The following COL25A1 variants were observed in gnomAD, a reference collection of about 807,000 sequenced individuals.
COL25A1 encodes collagen type XXV alpha 1 chain, also known as collagen alpha-1(XXV) chain.
Under a neutral mutation model 128.4 loss-of-function variants are expected in COL25A1, and 103 were observed. That is an observed-to-expected ratio of 0.80 (90% CI 0.68 to 0.94). The LOEUF is 0.94. COL25A1 is among the 40% of genes least tolerant of loss of function. The probability of loss-of-function intolerance (pLI) is 0.00; values close to 1 mark genes in which losing one functional copy is unlikely to be tolerated. For missense variants in COL25A1, 745 were observed against 840.0 expected (o/e 0.89, Z 1.40); for synonymous variants, 279 against 277.2 (o/e 1.01, Z -0.06).
chr4:109,174,807 G>T (rs1338714912), intron 3 of COL25A1, among the ~76,000 whole-genome samples: 1 of 152,178 alleles, frequency 6.6e-6, no homozygotes, highest in African/African-American at 2.4e-5. Flanking sequence ...TAGACTAGGG[G>T]TCCTCAAAGC....
chr4:109,208,211 AC>A (rs932067267), intron 3 of COL25A1, among the ~76,000 whole-genome samples: 3 of 152,200 alleles, frequency 2.0e-5, no homozygotes, highest in African/African-American at 7.2e-5. Flanking sequence ...TCTGGGCAAA[AC>A]TACTTTGACT....
chr4:108,993,652 G>A lies in COL25A1; in HGVS notation c.438+16706C>T, dbSNP rs185902750. Among the ~76,000 whole-genome samples the A allele has an allele frequency of 9.2e-5, 14 of 152,202 alleles. No homozygotes were observed. The East Asian group carries it at 2.5e-3, about 27-fold the overall frequency. On this transcript the variant is annotated intron_variant, in intron 6 of 37. Coordinates refer to ENST00000399132, the MANE Select transcript of COL25A1 (RefSeq NM_198721.4). The stretch of plus-strand genomic sequence containing the variant: ...AGGAGGGTGGATCACCTGAGGTCAG[G>A]AGTTTGAGACTAGCCTGGCCAACAT...
At chr4:108,964,877 A>C (rs1751119001) in intron 8 of COL25A1, among the ~76,000 whole-genome samples, 1 of 152,148 alleles carries the variant, frequency 6.6e-6, no homozygotes, top group African/African-American at 2.4e-5. Flanking sequence ...TGAATCTGGA[A>C]AGTGTTAAAA....
intron 3 of COL25A1, among the ~76,000 whole-genome samples, chr4:109,085,993 G>A (rs1006158918): frequency 9.9e-5 from 15 of 152,166 alleles, no homozygotes; most frequent in African/African-American, 3.4e-4. Flanking sequence ...GGCTACTAAG[G>A]AAGCCCCAGG....
At chr4:109,295,162 AAAGAG>A (rs1194705775) in intron 3 of COL25A1, among the ~76,000 whole-genome samples, 2 of 152,114 alleles carry the variant, frequency 1.3e-5, no homozygotes, top group African/African-American at 4.8e-5. Context: ...TTAAGGTAAG[AAAGAG>A]AAAAGAGTAG....
At chr4:109,064,930 G>A (rs528094702) in intron 3 of COL25A1, among the ~76,000 whole-genome samples, 1 of 152,294 alleles carries the variant, frequency 6.6e-6, no homozygotes, top group African/African-American at 2.4e-5. Context: ...ATCACAGGAA[G>A]CACCTCCTTG....
chr4:108,999,335 C>T (rs1445798267), intron 6 of COL25A1, among the ~76,000 whole-genome samples: 1 of 152,178 alleles, frequency 6.6e-6, no homozygotes, highest in Non-Finnish European at 1.5e-5. Context: ...CAAAAGAAGA[C>T]ATTTATGCAG....
intron 36 of COL25A1, among the ~76,000 whole-genome samples, chr4:108,817,994 A>G (rs1006051248): frequency 1.3e-5 from 2 of 152,180 alleles, no homozygotes. Context: ...CTATATTTTT[A>G]TGATAAAATA....
chr4:108,810,403 CA>C lies in COL25A1; in HGVS notation c.*3523del, dbSNP rs1322851245. 2 of 151,484 alleles carry C rather than the reference CA, an allele frequency of 1.3e-5. No individual in the cohort carries two copies. Among genetic ancestry groups the C allele is most frequent in the Non-Finnish European group, 3.0e-5 (2 of 67,728 alleles). 9.4% of individuals were successfully genotyped at this position (151,484 alleles called of 1,614,324 possible). On this transcript the variant is annotated 3_prime_UTR_variant, in exon 38 of 38. Transcript: ENST00000399132. ...CTGTCCCATCAGAACATCGTATGCA[CA>C]GAATGTAAATTCAAAAACAAGACCT...
In COL25A1 at chr4:108,942,250, T is replaced by G. The variant is rs758620151; in HGVS notation, c.493-813A>C. 9 of 1,550,170 alleles carry G rather than the reference T, an allele frequency of 5.8e-6. No individual in the cohort carries two copies. In the Admixed American group the frequency reaches 5.9e-5, roughly 10 times the overall value. On this transcript the variant is annotated intron_variant, in intron 8 of 37. Coordinates refer to ENST00000399132, the MANE Select transcript of COL25A1 (RefSeq NM_198721.4). ...TGATTACTGTGCAGGGCAGCAACTG[T>G]GGGGAAGCCTGGCAGGCCCTATGGA...
intron 19 of COL25A1, among the ~76,000 whole-genome samples, chr4:108,883,630 A>G (rs1740406094): frequency 1.3e-5 from 2 of 152,184 alleles, no homozygotes; most frequent in African/African-American, 4.8e-5. Flanking sequence ...GCTTTAAGCA[A>G]TTATTTCAAA....
At chr4:108,832,973 T>TAATAAATAAATAAATAAATACATACATA (rs1553944787) in intron 31 of COL25A1, among the ~76,000 whole-genome samples, 2 of 106,110 alleles carry the variant, frequency 1.9e-5, no homozygotes, top group African/African-American at 6.3e-5. Flanking sequence ...TCTCAAAAAA[T>TAATAAATAAATAAATAAATACATACATA]AATAAATAAA....
intron 8 of COL25A1, among the ~76,000 whole-genome samples, chr4:108,962,904 T>C (rs1418446391): frequency 6.6e-6 from 1 of 152,176 alleles, no homozygotes; most frequent in Non-Finnish European, 1.5e-5. Context: ...TAGAATTACA[T>C]TTGAAGTAGG....
chr4:109,298,068 T>C (rs192721684), intron 3 of COL25A1, among the ~76,000 whole-genome samples: 67 of 152,068 alleles, frequency 4.4e-4, no homozygotes, highest in African/African-American at 1.6e-3. Context: ...GAATCCTGAC[T>C]TTGCCTTTAC....
intron 8 of COL25A1, chr4:108,942,208 C>A: frequency 6.5e-7 from 1 of 1,550,216 alleles, no homozygotes; most frequent in South Asian, 1.2e-5. Flanking sequence ...CAACCACAAA[C>A]CTTGACGGTG....
Position 108,844,632 on chromosome 4 carries a change from A to G in COL25A1, c.1579-63T>C, listed in dbSNP as rs1407846997. 4 of 1,566,756 alleles carry G rather than the reference A, an allele frequency of 2.6e-6. No individual in the cohort carries two copies. In the Admixed American group the frequency reaches 7.5e-5, roughly 29 times the overall value. On this transcript the variant is annotated intron_variant, in intron 29 of 37. Transcript: ENST00000399132. ...CATTTAGATAAGGCAGTTCAACTTG[A>G]ATCTTGTGCTGGGGTTCTGCTAAGG...
chr4:108,935,520 A>AAT (rs1284850053), intron 11 of COL25A1, among the ~76,000 whole-genome samples: 1 of 152,184 alleles, frequency 6.6e-6, no homozygotes, highest in Non-Finnish European at 1.5e-5. Context: ...TAGATCACTT[A>AAT]ATATATATAT....
At chr4:109,295,060 A>G (rs1724841574) in intron 3 of COL25A1, among the ~76,000 whole-genome samples, 1 of 152,130 alleles carries the variant, frequency 6.6e-6, no homozygotes, top group South Asian at 2.1e-4. Flanking sequence ...TTATGTCTAC[A>G]TATAATTTGA....
chr4:108,896,741 A>G, intron 15 of COL25A1, 30 bp from the exon 16 acceptor site: 1 of 1,593,150 alleles, frequency 6.3e-7, no homozygotes, highest in East Asian at 2.2e-5. Flanking sequence ...ACACATGTAA[A>G]ATACATTGGT....
Sources: allele counts gnomAD v4.1 joint callset (sites outside exome capture counted in the v4.1 genomes callset), GRCh38; gene constraint gnomAD v4.1.1; transcripts MANE v1.5; gene names NCBI Gene and HGNC (gene_info 2026-07-23, HGNC 2026-07-21).